OPCML: variants seen among roughly 807,000 people sequenced by gnomAD.
OPCML encodes the protein opioid binding protein/cell adhesion molecule like, also known as opioid-binding protein/cell adhesion molecule.
A neutral mutation model predicts 37.8 loss-of-function variants in OPCML; 13 were observed. The observed-to-expected ratio is 0.34, with a 90% CI of 0.22 to 0.55. The LOEUF is 0.55. OPCML is among the 20% of genes least tolerant of loss of function. The probability of loss-of-function intolerance (pLI) is 0.91; values close to 1 mark genes in which losing one functional copy is unlikely to be tolerated. For missense variants in OPCML, 341 were observed against 435.6 expected, an observed-to-expected ratio of 0.78 and a Z score of 1.93; for synonymous variants, 176 against 168.8, an observed-to-expected ratio of 1.04 and a Z score of -0.33.
rs1591494264 is a variant in OPCML at position 132,708,322 on chromosome 11, C to T, written c.147-51003G>A. On this transcript the variant is annotated intron_variant, in intron 2 of 7. Transcript: ENST00000524381. Reference sequence around the variant, plus strand: ...AGAGGAATTAACATTTTCTTTTTTTCCCAACATACATACACTTTCTTTCTT... The same window carrying T: ...AGAGGAATTAACATTTTCTTTTTTTTCCAACATACATACACTTTCTTTCTT... Among the ~76,000 whole-genome samples the T allele has an allele frequency of 2.0e-5, 3 of 152,122 alleles. No individual in the cohort carries two copies. In the South Asian group the frequency reaches 6.2e-4, roughly 32 times the overall value.
intron 1 of OPCML, among the ~76,000 whole-genome samples, chr11:133,458,356 GTATA>G (rs1427129147): frequency 1.2e-4 from 1 of 8,090 alleles, no homozygotes; most frequent in Non-Finnish European, 1.7e-4. Context: ...ACACGTGTGT[GTATA>G]TATATACACA....
At chr11:133,021,603 C>T (rs956861124) in intron 1 of OPCML, among the ~76,000 whole-genome samples, 1 of 152,240 alleles carries the variant, frequency 6.6e-6, no homozygotes, top group Non-Finnish European at 1.5e-5. Flanking sequence ...GACACTTGCT[C>T]ACTTAAAGGT....
chr11:133,453,727 T>G (rs1785148982), intron 1 of OPCML, among the ~76,000 whole-genome samples: 1 of 152,188 alleles, frequency 6.6e-6, no homozygotes, highest in Non-Finnish European at 1.5e-5. Context: ...AATGTTTTTC[T>G]GATGACTCTA....
At chr11:133,086,679 T>G (rs889802964) in intron 1 of OPCML, among the ~76,000 whole-genome samples, 1 of 152,184 alleles carries the variant, frequency 6.6e-6, no homozygotes, top group Non-Finnish European at 1.5e-5. Flanking sequence ...GTACCTTAGG[T>G]CCCCAGAAGC....
At chr11:132,865,190 G>A (rs188635885) in intron 2 of OPCML, among the ~76,000 whole-genome samples, 59 of 152,256 alleles carry the variant, frequency 3.9e-4, no homozygotes, top group African/African-American at 1.2e-3. Context: ...ACATACGCGC[G>A]CACGCAAACA....
intron 1 of OPCML, among the ~76,000 whole-genome samples, chr11:133,408,412 G>A (rs1945568864): frequency 6.6e-6 from 1 of 152,168 alleles, no homozygotes; most frequent in Non-Finnish European, 1.5e-5. Context: ...AAAGATGGCG[G>A]GCTTGCTGAG....
chr11:132,507,538 G>C (rs1036870783), intron 4 of OPCML, among the ~76,000 whole-genome samples: 3 of 151,660 alleles, frequency 2.0e-5, no homozygotes, highest in Non-Finnish European at 2.9e-5. Context: ...TATCAAAATT[G>C]AACCTATACA....
intron 1 of OPCML, among the ~76,000 whole-genome samples, chr11:133,077,345 C>T (rs776677203): frequency 3.0e-4 from 45 of 151,874 alleles, no homozygotes; most frequent in Non-Finnish European, 4.0e-4. Context: ...CCCGTGGGCT[C>T]GGCGTGATAC....
At chr11:132,436,004 C>A (rs920058772) in intron 7 of OPCML, 82 bp downstream of exon 7, 1 of 1,443,444 alleles carries the variant, frequency 6.9e-7, no homozygotes, top group Non-Finnish European at 9.4e-7. Context: ...ACAGGCCAAG[C>A]AGATTGCAAC....
intron 1 of OPCML, among the ~76,000 whole-genome samples, chr11:133,382,974 T>G (rs1565605096): frequency 6.6e-6 from 1 of 152,192 alleles, no homozygotes; most frequent in Non-Finnish European, 1.5e-5. Context: ...GGCACAGACA[T>G]GTGGAGGAGG....
At chr11:133,078,983 T>C (rs1288832259) in intron 1 of OPCML, among the ~76,000 whole-genome samples, 1 of 152,116 alleles carries the variant, frequency 6.6e-6, no homozygotes, top group Non-Finnish European at 1.5e-5. Context: ...CTGGAATCCT[T>C]ACATTCCCCA....
intron 1 of OPCML, among the ~76,000 whole-genome samples, chr11:133,435,054 A>G (rs542584738): frequency 1.3e-5 from 2 of 152,044 alleles, no homozygotes; most frequent in African/African-American, 4.8e-5. Context: ...AGCCTAGCAT[A>G]GAGTTTATGT....
chr11:133,278,632 TGA>T (rs1219126233), intron 1 of OPCML, among the ~76,000 whole-genome samples: 1 of 152,110 alleles, frequency 6.6e-6, no homozygotes, highest in Non-Finnish European at 1.5e-5. Context: ...ACTAGATGTG[TGA>T]GTTTCATACT....
intron 2 of OPCML, among the ~76,000 whole-genome samples, chr11:132,687,277 GAT>G (rs1164571902): frequency 6.8e-6 from 1 of 148,020 alleles, no homozygotes; most frequent in African/African-American, 2.5e-5. Flanking sequence ...TGAATATGTT[GAT>G]ATATTCTGTT....
At chr11:132,446,979 A>G (rs903584898) in intron 4 of OPCML, among the ~76,000 whole-genome samples, 2 of 152,158 alleles carry the variant, frequency 1.3e-5, no homozygotes, top group African/African-American at 4.8e-5. Flanking sequence ...TGGACTGCCA[A>G]TACTGTGTTA....
At chr11:132,452,521 C>T (rs1179225977) in intron 4 of OPCML, among the ~76,000 whole-genome samples, 1 of 141,980 alleles carries the variant, frequency 7.0e-6, no homozygotes, top group East Asian at 2.4e-4. Context: ...TTCCTTCCTT[C>T]CTTCTTTCAG....
At chr11:133,028,583 G>C (rs1031031462) in intron 1 of OPCML, among the ~76,000 whole-genome samples, 1 of 148,970 alleles carries the variant, frequency 6.7e-6, no homozygotes, top group Non-Finnish European at 1.5e-5. Context: ...GAGAGAGAGA[G>C]ATTCATGAAT....
intron 1 of OPCML, among the ~76,000 whole-genome samples, chr11:133,305,326 A>G (rs1244221931): frequency 6.6e-6 from 1 of 152,182 alleles, no homozygotes; most frequent in Non-Finnish European, 1.5e-5. Context: ...GAGGATGTCA[A>G]CACTGGAAAA....
At chr11:132,681,746 G>A (rs1214908042) in intron 2 of OPCML, among the ~76,000 whole-genome samples, 3 of 152,060 alleles carry the variant, frequency 2.0e-5, no homozygotes, top group African/African-American at 7.2e-5. Context: ...ACGAGGTCAG[G>A]AGATCGAGAC....
Sources: gnomAD v4.1 joint callset for allele counts (sites outside exome capture counted in the v4.1 genomes callset) on GRCh38, gnomAD v4.1.1 for gene constraint, MANE v1.5 for transcripts, NCBI Gene and HGNC (gene_info 2026-07-23, HGNC 2026-07-21) for gene names.